The following SIRT5 variants were observed in gnomAD, a reference collection of about 807,000 sequenced individuals.
SIRT5 encodes sirtuin 5.
Under a neutral mutation model 40.0 loss-of-function variants are expected in SIRT5, and 26 were observed. That is an observed-to-expected ratio of 0.65 (90% CI 0.48 to 0.90). The LOEUF is 0.90. Ranked by LOEUF, SIRT5 falls within the 40% of genes least tolerant of loss-of-function variation. The pLI is 0.00. For synonymous variants in SIRT5, 146 were observed against 149.1 expected (o/e 0.98, Z 0.15); for missense variants, 401 against 402.4 (o/e 1.00, Z 0.03).
intron 9 of SIRT5, among the ~76,000 whole-genome samples, chr6:13,610,619 C>T (rs1430420504): frequency 3.3e-5 from 5 of 152,238 alleles, no homozygotes; most frequent in African/African-American, 2.4e-5. Context: ...GAAAGGGGCA[C>T]TTGAAATCAC....
At chr6:13,574,449 C>G (rs980175700), upstream of SIRT5, 2 of 152,264 alleles carry the variant, frequency 1.3e-5, no homozygotes, top group African/African-American at 2.4e-5. Context: ...GGAGGTGGCA[C>G]CGGTCCGCGG....
intron 7 of SIRT5, among the ~76,000 whole-genome samples, chr6:13,598,277 G>A (rs1761867316): frequency 1.3e-5 from 2 of 152,196 alleles, no homozygotes. Context: ...GTAGGAGGGA[G>A]TGAAAGAAGA....
chr6:13,589,840 C>T lies in SIRT5; in HGVS notation c.249+1376C>T, dbSNP rs550227581. ...AGCTCGGAGGAGGGGCGCTTAGTTGCGTCCGAAAAGGCTCAGAGTTTGCAG... is the reference window on the plus strand; with the variant it reads ...AGCTCGGAGGAGGGGCGCTTAGTTGTGTCCGAAAAGGCTCAGAGTTTGCAG... On this transcript the variant is annotated intron_variant, in intron 4 of 9. Transcript: ENST00000606117. 1.1e-4 allele frequency among the ~76,000 whole-genome samples: 17 copies of T among 152,264 alleles called. No homozygotes were observed. In the South Asian group the frequency reaches 1.2e-3, roughly 11 times the overall value.
In SIRT5 at chr6:13,591,685, T is replaced by C; in HGVS notation, c.266T>C (p.Leu89Pro). ...KWQAQDLATP[L>P]AFAHNPSRVW... ...CACTCCCAGGACCTGGCGACTCCCC[T>C]GGCCTTTGCCCACAACCCGTCCCGG... The change falls in exon 5 of 10, where the codon CTG becomes CCG. Residue 89 changes from leucine to proline, a missense_variant. Leu to Pro is a moderately conservative substitution (Grantham distance 98). Transcript: ENST00000606117. The C allele has an allele frequency of 6.3e-7, 1 of 1,588,550 alleles. No individual in the cohort carries two copies.
chr6:13,581,776 C>T (rs905691795), intron 2 of SIRT5, among the ~76,000 whole-genome samples: 12 of 152,128 alleles, frequency 7.9e-5, no homozygotes, highest in African/African-American at 2.9e-4. Flanking sequence ...CAGACAGGGC[C>T]ACTCTGTGAC....
At chr6:13,580,151 G>A (rs1315953992) in intron 2 of SIRT5, among the ~76,000 whole-genome samples, 1 of 152,142 alleles carries the variant, frequency 6.6e-6, no homozygotes, top group African/African-American at 2.4e-5. Context: ...GTAACTTTAG[G>A]CAGCCAGACA....
chr6:13,593,550 TC>T (rs1170469209), intron 5 of SIRT5, among the ~76,000 whole-genome samples: 2 of 152,104 alleles, frequency 1.3e-5, no homozygotes, highest in African/African-American at 4.8e-5. Flanking sequence ...TTAAATAAGA[TC>T]ATATATGTGT....
chr6:13,584,157 A>G lies in SIRT5; in HGVS notation c.47A>G (p.Tyr16Cys). 6.2e-7 allele frequency: 1 copy of G among 1,614,160 alleles called. No homozygotes were observed. The highest frequency in any genetic ancestry group is 8.5e-7 in the Non-Finnish European group (1 of 1,180,028). ...CCAAGTCGATTGATTTCCCAGCTATATTGTGGCCTGAAGCCTCCAGCGTCC... is the reference window on the plus strand; with the variant it reads ...CCAAGTCGATTGATTTCCCAGCTATGTTGTGGCCTGAAGCCTCCAGCGTCC... ...IVPSRLISQLYCGLKPPASTR... is the reference protein window; with the variant it reads ...IVPSRLISQLCCGLKPPASTR... The change falls in exon 3 of 10, where the codon TAT becomes TGT. Residue 16 changes from tyrosine to cysteine, a missense_variant. Tyr to Cys is a radical substitution (Grantham distance 194). Coordinates refer to ENST00000606117, the MANE Select transcript of SIRT5 (RefSeq NM_012241.5).
At chr6:13,578,517 G>T (rs915458407) in intron 1 of SIRT5, among the ~76,000 whole-genome samples, 10 of 151,692 alleles carry the variant, frequency 6.6e-5, no homozygotes, top group African/African-American at 2.2e-4. Context: ...CTACTCGGGA[G>T]GCTGAGGCAG....
intron 3 of SIRT5, among the ~76,000 whole-genome samples, 195 bp downstream of exon 3, chr6:13,584,420 G>A (rs1450226224): frequency 2.6e-5 from 4 of 152,010 alleles, no homozygotes; most frequent in Admixed American, 2.6e-4. Context: ...GTGCGACCTC[G>A]GCTCACCGCA....
intron 3 of SIRT5, among the ~76,000 whole-genome samples, chr6:13,585,902 C>G (rs1222326651): frequency 6.6e-6 from 1 of 152,182 alleles, no homozygotes; most frequent in African/African-American, 2.4e-5. Flanking sequence ...TGTCCAGCAC[C>G]TGTTGTTTCC....
At chr6:13,589,957 C>T (rs1281824282) in intron 4 of SIRT5, among the ~76,000 whole-genome samples, 3 of 152,168 alleles carry the variant, frequency 2.0e-5, no homozygotes, top group Admixed American at 6.5e-5. Flanking sequence ...TAAACTACTC[C>T]AGGCCATGTG....
Position 13,613,880 on chromosome 6 carries a change from T to A in SIRT5, c.*2015T>A, listed in dbSNP as rs1299661942. ...GTGTTAGTGTCTCAGGGAGTCTGAT[T>A]ATATTTTTGATTTGTAATTTCTATC... On this transcript the variant is annotated 3_prime_UTR_variant, in exon 10 of 10. Coordinates refer to ENST00000606117, the MANE Select transcript of SIRT5 (RefSeq NM_012241.5). 1 of 152,226 alleles carries A rather than the reference T, an allele frequency of 6.6e-6. No individual in the cohort carries two copies. 9.4% of individuals were successfully genotyped at this position (152,226 alleles called of 1,614,324 possible). A position where few individuals can be genotyped will look rare whatever the true frequency, so the allele number is the denominator to read the frequency against.
intron 9 of SIRT5, among the ~76,000 whole-genome samples, chr6:13,606,957 C>T (rs1010494609): frequency 3.3e-5 from 5 of 151,228 alleles, no homozygotes; most frequent in African/African-American, 1.2e-4. Context: ...GCTGGGATTA[C>T]AGGCGTGAGC....
At position 13,612,290 on chromosome 6, in the gene SIRT5, G is replaced by A. The variant is rs1764011394; in HGVS notation, c.*425G>A. The stretch of plus-strand genomic sequence containing the variant: ...GAAAATAAAATCACACTCTACAGTA[G>A]GTAATTTATTGTATAAAGACATTAC... On this transcript the variant is annotated 3_prime_UTR_variant, in exon 10 of 10. Coordinates refer to ENST00000606117, the MANE Select transcript of SIRT5 (RefSeq NM_012241.5). 1 of 153,576 alleles carries A rather than the reference G, an allele frequency of 6.5e-6. No homozygotes were observed. The highest frequency in any genetic ancestry group is 1.4e-5 in the Non-Finnish European group (1 of 69,328). The allele number at this position is 153,576 out of a possible 1,614,324, so 9.5% of individuals were successfully genotyped here.
At chr6:13,586,275 T>C (rs1760071037) in intron 3 of SIRT5, among the ~76,000 whole-genome samples, 1 of 152,220 alleles carries the variant, frequency 6.6e-6, no homozygotes, top group South Asian at 2.1e-4. Context: ...ATTTTGGCTT[T>C]TGTTGCCATT....
chr6:13,609,892 T>C (rs1337957911), intron 9 of SIRT5, among the ~76,000 whole-genome samples: 1 of 152,208 alleles, frequency 6.6e-6, no homozygotes, highest in Non-Finnish European at 1.5e-5. Context: ...TCAATGTCAA[T>C]TGTAATCTTC....
At chr6:13,593,565 A>G (rs559118854) in intron 5 of SIRT5, among the ~76,000 whole-genome samples, 1 of 152,324 alleles carries the variant, frequency 6.6e-6, no homozygotes, top group African/African-American at 2.4e-5. Context: ...TATGTGTGTT[A>G]GTCAGGACTT....
At chr6:13,587,284 G>T (rs774699552) in intron 3 of SIRT5, among the ~76,000 whole-genome samples, 13 of 152,138 alleles carry the variant, frequency 8.5e-5, no homozygotes, top group Admixed American at 5.9e-4. Context: ...GTTCAGTGTT[G>T]TACCCCTTAA....
Sources: allele counts gnomAD v4.1 joint callset (sites outside exome capture counted in the v4.1 genomes callset), GRCh38; gene constraint gnomAD v4.1.1; transcripts MANE v1.5; gene names NCBI Gene and HGNC (gene_info 2026-07-23, HGNC 2026-07-21).